Variants in RBFOX1 observed in about 807,000 individuals in gnomAD.
The protein encoded by RBFOX1 is RNA binding protein fox-1 homolog 1.
Under a neutral mutation model 57.7 loss-of-function variants are expected in RBFOX1, and 8 were observed. The ratio of observed to expected loss-of-function variants is 0.14; its 90% CI spans 0.08 to 0.25. RBFOX1 has a LOEUF of 0.25. Ranked by LOEUF, RBFOX1 falls within the 10% of genes least tolerant of loss-of-function variation. The pLI is 1.00. For synonymous variants in RBFOX1, 326 were observed against 222.4 expected, an observed-to-expected ratio of 1.47 and a Z score of -4.15; for missense variants, 611 against 548.5, an observed-to-expected ratio of 1.11 and a Z score of -1.14.
rs183410267 is a variant in RBFOX1, at chr16:7,270,671, A to T, written c.27+218573A>T. ...CTATTAGACAAACCTCTACTATTCT[A>T]CCTTCTCTTTAAAAATGGAAGCTCT... On this transcript the variant is annotated intron_variant, in intron 4 of 15. Transcript: ENST00000550418. Among the ~76,000 whole-genome samples, 495 of 152,266 alleles carry T rather than the reference A, an allele frequency of 3.3e-3. 5 individuals are homozygous for T. Among genetic ancestry groups the T allele is most frequent in the African/African-American group, 0.011 (468 of 41,556 alleles).
At chr16:7,418,059 G>T (rs1305133026) in intron 4 of RBFOX1, among the ~76,000 whole-genome samples, 7 of 152,028 alleles carry the variant, frequency 4.6e-5, no homozygotes. Context: ...GTCACTGGAG[G>T]CCAAGACACT....
Position 6,895,444 on chromosome 16 carries a change from GTGTGTATATA to G in RBFOX1, c.-15-156611_-15-156602del, listed in dbSNP as rs1316575644. The stretch of plus-strand genomic sequence containing the variant: ...TGTGTGTGTGTGTGTGTGTGTGTGT[GTGTGTATATA>G]TATATATATATATATATATATATAT... On this transcript the variant is annotated intron_variant, in intron 3 of 15. Transcript: ENST00000550418. Among the ~76,000 whole-genome samples the G allele has an allele frequency of 4.7e-3, 347 of 73,414 alleles. 2 individuals carry two copies. The highest frequency in any genetic ancestry group is 6.2e-3 in the Non-Finnish European group (244 of 39,530). 48.2% of individuals were successfully genotyped at this position (73,414 alleles called of 152,430 possible).
intron 1 of RBFOX1, among the ~76,000 whole-genome samples, chr16:6,047,088 T>C (rs1001297888): frequency 6.6e-6 from 1 of 152,118 alleles, no homozygotes; most frequent in Admixed American, 6.6e-5. Flanking sequence ...ACACAGAGGA[T>C]GCATTATCAT....
At chr16:6,859,695 G>T (rs1021179902) in intron 3 of RBFOX1, among the ~76,000 whole-genome samples, 2 of 152,028 alleles carry the variant, frequency 1.3e-5, no homozygotes, top group African/African-American at 2.4e-5. Flanking sequence ...TTTTTTAATC[G>T]ACTACGGTAT....
intron 4 of RBFOX1, among the ~76,000 whole-genome samples, chr16:7,362,853 T>C (rs1208061732): frequency 1.3e-5 from 2 of 152,194 alleles, no homozygotes; most frequent in Non-Finnish European, 2.9e-5. Flanking sequence ...ATGTACGTTT[T>C]ATAATGTACC....
At chr16:7,687,655 T>G (rs1053056398) in intron 14 of RBFOX1, among the ~76,000 whole-genome samples, 1 of 152,048 alleles carries the variant, frequency 6.6e-6, no homozygotes, top group Non-Finnish European at 1.5e-5. Flanking sequence ...ACTTTCCACC[T>G]TAATTTTACA....
intron 2 of RBFOX1, among the ~76,000 whole-genome samples, chr16:6,566,356 A>G (rs745978958): frequency 1.1e-4 from 17 of 152,136 alleles, no homozygotes; most frequent in Non-Finnish European, 2.4e-4. Flanking sequence ...TAAGATGTGT[A>G]GTTATAGTAT....
chr16:7,181,550 C>G (rs1192038111), intron 4 of RBFOX1, among the ~76,000 whole-genome samples: 1 of 150,314 alleles, frequency 6.7e-6, no homozygotes, highest in African/African-American at 2.5e-5. Context: ...CTCTCTTTCT[C>G]TCATCTCTCT....
chr16:6,023,288 G>C (rs928796956), intron 1 of RBFOX1, among the ~76,000 whole-genome samples: 4 of 140,230 alleles, frequency 2.9e-5, no homozygotes, highest in Admixed American at 2.1e-4. Context: ...TATATATATA[G>C]AACCTGCTCC....
At chr16:6,339,423 A>G (rs1265226059) in intron 2 of RBFOX1, among the ~76,000 whole-genome samples, 2 of 152,244 alleles carry the variant, frequency 1.3e-5, no homozygotes, top group Non-Finnish European at 2.9e-5. Context: ...AGGAGCAGCA[A>G]ACATCAAATC....
At chr16:6,963,654 G>C (rs1367561991) in intron 3 of RBFOX1, among the ~76,000 whole-genome samples, 1 of 152,114 alleles carries the variant, frequency 6.6e-6, no homozygotes, top group African/African-American at 2.4e-5. Context: ...TTATGTGGGA[G>C]GGAGGGATGA....
chr16:6,001,562 C>T (rs779192159), intron 4 of RBFOX1, among the ~76,000 whole-genome samples: 6 of 151,872 alleles, frequency 4.0e-5, no homozygotes, highest in African/African-American at 1.2e-4. Context: ...GAGATAAGTG[C>T]GTAATTAAAT....
At chr16:5,731,819 T>C (rs1314703353) in intron 3 of RBFOX1, among the ~76,000 whole-genome samples, 1 of 152,128 alleles carries the variant, frequency 6.6e-6, no homozygotes, top group Non-Finnish European at 1.5e-5. Context: ...TTTCCAGTGG[T>C]TTCTAATATG....
At chr16:6,954,808 T>A (rs1326120845) in intron 3 of RBFOX1, among the ~76,000 whole-genome samples, 3 of 152,040 alleles carry the variant, frequency 2.0e-5, no homozygotes, top group Non-Finnish European at 4.4e-5. Context: ...GGTAGAAGGG[T>A]TCGAACCTCA....
At chr16:7,505,508 A>C (rs188675902) in intron 4 of RBFOX1, among the ~76,000 whole-genome samples, 8 of 152,346 alleles carry the variant, frequency 5.3e-5, no homozygotes, top group African/African-American at 1.9e-4. Flanking sequence ...TTATCACCTC[A>C]GAAGTGGCCA....
chr16:7,320,952 C>G (rs8052441), intron 4 of RBFOX1, among the ~76,000 whole-genome samples: 28,154 of 152,056 alleles, frequency 0.19, 4,200 homozygotes, highest in African/African-American at 0.42. Flanking sequence ...TGGACCCAAA[C>G]TTCTTATGGC....
intron 4 of RBFOX1, among the ~76,000 whole-genome samples, chr16:7,109,309 C>G (rs547723890): frequency 6.6e-6 from 1 of 152,222 alleles, no homozygotes; most frequent in South Asian, 2.1e-4. Context: ...CTCCCTTGAC[C>G]ATGCCGTGAA....
intron 4 of RBFOX1, among the ~76,000 whole-genome samples, chr16:7,158,469 T>C (rs535189134): frequency 6.6e-6 from 1 of 152,302 alleles, no homozygotes; most frequent in African/African-American, 2.4e-5. Flanking sequence ...CTCCTGACCT[T>C]TTTCAGATTT....
intron 3 of RBFOX1, among the ~76,000 whole-genome samples, chr16:5,703,935 G>A (rs995645245): frequency 6.6e-6 from 1 of 152,192 alleles, no homozygotes. Context: ...TAATCATTAT[G>A]TGAACTATTG....
Sources: gnomAD v4.1 joint callset for allele counts (sites outside exome capture counted in the v4.1 genomes callset) on GRCh38, gnomAD v4.1.1 for gene constraint, MANE v1.5 for transcripts, NCBI Gene and HGNC (gene_info 2026-07-23, HGNC 2026-07-21) for gene names.